Variants in LCOR observed in about 807,000 individuals in gnomAD.
LCOR encodes ligand-dependent corepressor.
In LCOR, 14 loss-of-function variants were observed where a neutral mutation model predicts 64.4. The ratio of observed to expected loss-of-function variants is 0.22; its 90% confidence interval spans 0.14 to 0.34. LCOR has a LOEUF of 0.34. Among genes scored for constraint, LCOR ranks in the 10% least tolerant of loss-of-function variants. LCOR has a pLI of 1.00. For missense variants in LCOR, 1,686 were observed against 1,765.3 expected (o/e 0.96, Z 0.80); for synonymous variants, 643 against 642.5 (o/e 1.00, Z -0.01).
intron 2 of LCOR, among the ~76,000 whole-genome samples, chr10:96,862,575 T>C (rs1845905372): frequency 6.6e-6 from 1 of 152,084 alleles, no homozygotes; most frequent in South Asian, 2.1e-4. Flanking sequence ...CACGTAGGCA[T>C]GATTGGTAAA....
chr10:96,977,991 T>C (rs1848051976), intron 7 of LCOR, among the ~76,000 whole-genome samples: 1 of 152,226 alleles, frequency 6.6e-6, no homozygotes, highest in Admixed American at 6.5e-5. Context: ...GTTAAATGTT[T>C]TGGACAAGGT....
chr10:96,972,195 AGG>A (rs1057332709), intron 7 of LCOR, among the ~76,000 whole-genome samples: 23 of 152,170 alleles, frequency 1.5e-4, no homozygotes, highest in Non-Finnish European at 5.9e-5. Flanking sequence ...AATGAGGTAA[AGG>A]GGTAAAATAT....
chr10:96,918,890 A>C (rs1013980255), intron 4 of LCOR, among the ~76,000 whole-genome samples: 4 of 152,208 alleles, frequency 2.6e-5, no homozygotes, highest in African/African-American at 9.6e-5. Flanking sequence ...TAGTAACTGT[A>C]CTTCTCTCAT....
chr10:96,966,220 CTTTT>C (rs34210121), intron 7 of LCOR, among the ~76,000 whole-genome samples: 1 of 55,148 alleles, frequency 1.8e-5, no homozygotes. Flanking sequence ...CCAAAGGACT[CTTTT>C]TTTTTTTTTT....
chr10:96,870,859 A>G (rs1185311825), intron 2 of LCOR, among the ~76,000 whole-genome samples: 3 of 152,214 alleles, frequency 2.0e-5, no homozygotes, highest in African/African-American at 4.8e-5. Context: ...GCTTTGGACA[A>G]TAGTAGTTTT....
At chr10:96,875,385 AAATAAT>A (rs1363005576) in intron 2 of LCOR, among the ~76,000 whole-genome samples, 4 of 151,692 alleles carry the variant, frequency 2.6e-5, no homozygotes, top group South Asian at 4.2e-4. Context: ...ATAAAAAAAA[AAATAAT>A]AATAATACCT....
At chr10:96,965,877 A>G (rs112208243) in intron 7 of LCOR, among the ~76,000 whole-genome samples, 4 of 152,066 alleles carry the variant, frequency 2.6e-5, no homozygotes, top group Non-Finnish European at 4.4e-5. Context: ...GTTTATGGTC[A>G]TTTCCTGCCG....
At chr10:96,971,199 G>C (rs551064298) in intron 7 of LCOR, among the ~76,000 whole-genome samples, 2 of 152,232 alleles carry the variant, frequency 1.3e-5, no homozygotes, top group African/African-American at 4.8e-5. Context: ...CATACTTACT[G>C]TCTGCCCTTC....
intron 2 of LCOR, among the ~76,000 whole-genome samples, chr10:96,835,795 A>C (rs1845432287): frequency 1.3e-5 from 2 of 152,240 alleles, no homozygotes; most frequent in South Asian, 4.1e-4. Flanking sequence ...GTGTGGGGGC[A>C]GGTGGTGGTG....
At chr10:96,979,055 T>TTCCACTGTGAC (rs1304139038) in intron 7 of LCOR, among the ~76,000 whole-genome samples, 2 of 152,222 alleles carry the variant, frequency 1.3e-5, no homozygotes. Context: ...CTATGCTCTT[T>TTCCACTGTGAC]TCCACTGTGA....
intron 4 of LCOR, among the ~76,000 whole-genome samples, chr10:96,931,961 C>T (rs892802604): frequency 2.0e-5 from 3 of 152,098 alleles, no homozygotes; most frequent in African/African-American, 7.2e-5. Context: ...AGGTATAATG[C>T]TATTGTGATC....
In LCOR at chr10:96,989,243, A is replaced by C. The variant is rs990436195; in HGVS notation, c.*4109A>C. The C allele has an allele frequency of 2.0e-5, 3 of 152,222 alleles. No individual in the cohort carries two copies. Among genetic ancestry groups the C allele is most frequent in the Non-Finnish European group, 4.4e-5 (3 of 68,032 alleles). 9.4% of individuals were successfully genotyped at this position (152,222 alleles called of 1,614,324 possible). On this transcript the variant is annotated 3_prime_UTR_variant, in exon 8 of 8. Transcript: ENST00000421806. ...CGTATCGAGCCGGAACCCATGAGCA[A>C]ATAGGGATTCAGAGTTCTAAAATTA... is the stretch of plus-strand genomic sequence containing the variant.
Position 96,981,409 on chromosome 10 carries a change from G to C in LCOR, c.949G>C (p.Val317Leu). 6.2e-7 allele frequency: 1 copy of C among 1,614,196 alleles called. No homozygotes were observed. Residue 317 changes from valine to leucine, a missense_variant, in exon 8 of 8, where the codon GTA becomes CTA. By Grantham distance (32) the Val-to-Leu change is conservative. Around this residue, in one of 3 missense-constraint regions of LCOR, gnomAD observed 313 missense variants for 247.2 expected, o/e 1.27. Transcript: ENST00000421806. Reference sequence around the variant, plus strand: ...AGACCATATGCAGAGTTCAGCTTTAGTAGAAAGTCTAATTACAGTAAAAAT... The same window carrying C: ...AGACCATATGCAGAGTTCAGCTTTACTAGAAAGTCTAATTACAGTAAAAAT... The part of the protein sequence containing the change: ...GKDHMQSSAL[V>L]ESLITVKMAA...
chr10:96,940,303 A>ATTTTTTT (rs552752409), intron 4 of LCOR, among the ~76,000 whole-genome samples: 136 of 65,446 alleles, frequency 2.1e-3, no homozygotes, highest in Middle Eastern at 0.014. Flanking sequence ...GGTGGTCATG[A>ATTTTTTT]TTTTTTTTTT....
At chr10:96,922,814 T>C (rs1000763313) in intron 4 of LCOR, among the ~76,000 whole-genome samples, 1 of 152,212 alleles carries the variant, frequency 6.6e-6, no homozygotes, top group African/African-American at 2.4e-5. Flanking sequence ...GCTTACCCTT[T>C]AGGCTTAATT....
intron 4 of LCOR, among the ~76,000 whole-genome samples, chr10:96,939,685 C>T (rs561785295): frequency 6.6e-6 from 1 of 152,336 alleles, no homozygotes; most frequent in African/African-American, 2.4e-5. Flanking sequence ...AGGATCTAGG[C>T]CGGGCGCGGG....
At chr10:96,869,341 T>C (rs998176815) in intron 2 of LCOR, among the ~76,000 whole-genome samples, 2 of 152,024 alleles carry the variant, frequency 1.3e-5, no homozygotes, top group African/African-American at 4.8e-5. Context: ...GCCTCCTGAG[T>C]AGCTGGTATT....
chr10:96,920,430 A>T (rs948088930), intron 4 of LCOR, among the ~76,000 whole-genome samples: 1 of 1,770 alleles, frequency 5.6e-4, no homozygotes, highest in African/African-American at 6.3e-4. Flanking sequence ...ATTCATATAT[A>T]TGTGTATATA....
chr10:96,982,910 T>C lies in LCOR; in HGVS notation c.2450T>C (p.Leu817Pro). The C allele has an allele frequency of 6.2e-7, 1 of 1,613,870 alleles. No individual in the cohort carries two copies. Among genetic ancestry groups the C allele is most frequent in the Non-Finnish European group, 8.5e-7 (1 of 1,179,988 alleles). Residue 817 changes from leucine (L) to proline (P), a missense_variant, in exon 8 of 8, where the codon CTA becomes CCA. Leu to Pro is a moderately conservative substitution (Grantham distance 98, BLOSUM62 -3). Transcript: ENST00000421806. ...KKFPEASDRC[L>P]RSQLSDSSSA... ...TTCCCTGAGGCCTCTGATAGGTGCC[T>C]AAGAAGTCAACTTTCGGATTCTTCC...
Sources: allele counts gnomAD v4.1 joint callset (sites outside exome capture counted in the v4.1 genomes callset), GRCh38; gene constraint gnomAD v4.1.1; regional missense constraint gnomAD v4.1.1; transcripts MANE v1.5; gene names NCBI Gene and HGNC (gene_info 2026-07-23, HGNC 2026-07-21).